Variants in RNPEPL1 observed in about 807,000 individuals in gnomAD.
The protein encoded by RNPEPL1 is arginyl aminopeptidase like 1.
RNPEPL1 carries 46 observed loss-of-function variants against 69.0 expected under a neutral mutation model. The ratio of observed to expected loss-of-function variants is 0.67; its 90% CI spans 0.53 to 0.85. RNPEPL1 has a LOEUF of 0.85. RNPEPL1 is among the 40% of genes least tolerant of loss of function. RNPEPL1 has a pLI of 0.00. For synonymous variants in RNPEPL1, 525 were observed against 454.1 expected, an observed-to-expected ratio of 1.16 and a Z score of -1.98; for missense variants, 869 against 992.5, an observed-to-expected ratio of 0.88 and a Z score of 1.67.
chr2:240,576,943 GACT>G lies in RNPEPL1; in HGVS notation c.1842_1844del (p.Tyr615del). 3 of 1,613,454 alleles carry G rather than the reference GACT, an allele frequency of 1.9e-6. No homozygotes were observed. Among genetic ancestry groups the G allele is most frequent in the South Asian group, 1.1e-5 (1 of 91,046 alleles). On this transcript the variant is annotated inframe_deletion, in exon 10 of 11. Transcript: ENST00000270357. ...CTGGCTGCAGATTGTGGTCCGCAAC[GACT>G]ACTATCCTGACCTCCACAGGGTGCG...
chr2:240,578,065 G>A lies in RNPEPL1; in HGVS notation c.*173G>A, dbSNP rs950483115. The A allele has an allele frequency of 5.1e-6, 3 of 590,544 alleles. No homozygotes were observed. Among genetic ancestry groups the A allele is most frequent in the Non-Finnish European group, 8.1e-6 (3 of 371,620 alleles). 36.6% of individuals were successfully genotyped at this position (590,544 alleles called of 1,614,324 possible). ...TGGGGAGAGGGACCTCCTTGTGTCTGGCAGAGACCTGTGGACCTGGCCTCC... is the reference window on the plus strand; with the variant it reads ...TGGGGAGAGGGACCTCCTTGTGTCTAGCAGAGACCTGTGGACCTGGCCTCC... On this transcript the variant is annotated 3_prime_UTR_variant, in exon 11 of 11. Transcript: ENST00000270357.
rs1239304635 is a variant in RNPEPL1 at position 240,576,937 on chromosome 2, C to T, written c.1831C>T (p.Arg611Cys). 1 of 1,613,500 alleles carries T rather than the reference C, an allele frequency of 6.2e-7. No individual in the cohort carries two copies. The highest frequency in any genetic ancestry group is 8.5e-7 in the Non-Finnish European group (1 of 1,179,964). Residue 611 changes from arginine to cysteine, a missense_variant, in exon 10 of 11, where the codon CGC (arginine) becomes TGC (cysteine). Around this residue, in one of 2 missense-constraint regions of RNPEPL1, gnomAD observed 610 missense variants for 790.9 expected, o/e 0.77. Transcript: ENST00000270357. Reference sequence around the variant, plus strand: ...CATCCGCTGGCTGCAGATTGTGGTCCGCAACGACTACTATCCTGACCTCCA... The same window carrying T: ...CATCCGCTGGCTGCAGATTGTGGTCTGCAACGACTACTATCCTGACCTCCA... ...IRIRWLQIVV[R>C]NDYYPDLHRV...
In RNPEPL1 at chr2:240,577,782, G is replaced by A. The variant is rs1195488986; in HGVS notation, c.2068G>A (p.Glu690Lys). The change falls in exon 11 of 11, where the codon GAG becomes AAG. Residue 690 changes from glutamate to lysine, a missense_variant. By Grantham distance (56) the Glu-to-Lys change is moderately conservative (BLOSUM62 1). This residue lies in a region of RNPEPL1 where 610 missense variants were observed against 790.9 expected (regional missense o/e 0.77). Transcript: ENST00000270357. ...STEPASEPST[E>K]LGKAEADTDS... Reference sequence around the variant, plus strand: ...AGAGCCCGCCTCAGAGCCCAGCACGGAGCTGGGCAAGGCTGAAGCAGACAC... The same window carrying A: ...AGAGCCCGCCTCAGAGCCCAGCACGAAGCTGGGCAAGGCTGAAGCAGACAC... The A allele has an allele frequency of 1.2e-6, 2 of 1,611,520 alleles. No homozygotes were observed. Among genetic ancestry groups the A allele is most frequent in the Non-Finnish European group, 8.5e-7 (1 of 1,179,096 alleles).
chr2:240,568,740 C>T lies in RNPEPL1; in HGVS notation c.154C>T (p.Pro52Ser). 9.4e-7 allele frequency: 1 copy of T among 1,062,608 alleles called. No homozygotes were observed. Among genetic ancestry groups the T allele is most frequent in the Admixed American group, 5.5e-5 (1 of 18,324 alleles). 65.8% of individuals were successfully genotyped at this position (1,062,608 alleles called of 1,614,324 possible). The change falls in exon 1 of 11, where the codon CCC becomes TCC. Residue 52 changes from proline (P) to serine (S), a missense_variant. By Grantham distance (74) the Pro-to-Ser change is moderately conservative. This residue lies in a region of RNPEPL1 where 259 missense variants were observed against 201.5 expected (regional missense o/e 1.29). Coordinates refer to ENST00000270357, the MANE Select transcript of RNPEPL1 (RefSeq NM_018226.6). This position sits in a 1 kb window ranked among gnomAD's most constrained non-coding sequence, Gnocchi z 6.2. ...RHLQLGLELR[P>S]EARELAGCLV... ...CCTGCAGCTGGGCCTGGAGCTGCGG[C>T]CCGAGGCGCGCGAGTTGGCCGGCTG...
intron 10 of RNPEPL1, 35 bp downstream of exon 10, chr2:240,577,025 G>C: frequency 6.2e-7 from 1 of 1,609,906 alleles, no homozygotes; most frequent in South Asian, 1.1e-5. Flanking sequence ...AGCCTGGAAC[G>C]GCCTAGCCGT....
At chr2:240,569,811 C>T (rs181000239) in intron 1 of RNPEPL1, among the ~76,000 whole-genome samples, 3 of 152,296 alleles carry the variant, frequency 2.0e-5, no homozygotes, top group African/African-American at 7.2e-5. Context: ...ATGTGACACC[C>T]GACATATGCA....
At chr2:240,572,607 C>T (rs2093025089) in intron 2 of RNPEPL1, 44 bp downstream of exon 2, 2 of 1,533,610 alleles carry the variant, frequency 1.3e-6, no homozygotes, top group South Asian at 2.4e-5. Context: ...CAGGACAGCC[C>T]AGTGGCCTGG....
chr2:240,573,155 T>TACATGGAGGA lies in RNPEPL1; in HGVS notation c.717_726dup (p.Glu243HisfsTer64), dbSNP rs1473789379. The TACATGGAGGA allele has an allele frequency of 6.2e-7, 1 of 1,610,026 alleles. No individual in the cohort carries two copies. The highest frequency in any genetic ancestry group is 8.5e-7 in the Non-Finnish European group (1 of 1,178,998). ...GCTGATGAGTGCCACCCGGAGTGCA[T>TACATGGAGGA]ACATGGAGGAAGAAGGCGTCTTCCA... On this transcript the variant is annotated frameshift_variant, in exon 3 of 11. Transcript: ENST00000270357. LOFTEE classifies it high-confidence loss of function.
chr2:240,574,877 G>A (rs562796217), intron 6 of RNPEPL1, 153 bp from the exon 7 acceptor site: 26 of 707,868 alleles, frequency 3.7e-5, no homozygotes, highest in African/African-American at 1.0e-4. Context: ...AGGCCCTGCC[G>A]CTGCACGCCC....
intron 1 of RNPEPL1, among the ~76,000 whole-genome samples, chr2:240,571,783 C>T (rs1164084974): frequency 6.6e-6 from 1 of 151,864 alleles, no homozygotes; most frequent in African/African-American, 2.4e-5. Context: ...CAGGCAGCGG[C>T]CCCAGCCATC....
chr2:240,577,947 G>A lies in RNPEPL1; in HGVS notation c.*55G>A. 4 of 1,411,170 alleles carry A rather than the reference G, an allele frequency of 2.8e-6. No individual in the cohort carries two copies. The highest frequency in any genetic ancestry group is 3.7e-6 in the Non-Finnish European group (4 of 1,070,594). 87.4% of individuals were successfully genotyped at this position (1,411,170 alleles called of 1,614,324 possible). On this transcript the variant is annotated 3_prime_UTR_variant, in exon 11 of 11. Coordinates refer to ENST00000270357, the MANE Select transcript of RNPEPL1 (RefSeq NM_018226.6). ...CAGACACCACAATTGTGCCTTCTGT[G>A]GGCCAGGCCTGCCATGACTGCGTCT...
In RNPEPL1 at chr2:240,577,675, T is replaced by C; in HGVS notation, c.1961T>C (p.Phe654Ser). The C allele has an allele frequency of 6.2e-7, 1 of 1,612,788 alleles. No homozygotes were observed. The highest frequency in any genetic ancestry group is 8.5e-7 in the Non-Finnish European group (1 of 1,179,662). ...CTCAAGTCCTTCGCGCTGGAGGTCT[T>C]CTACCAGACGCAGGGCCGGCTGCAC... is the stretch of plus-strand genomic sequence containing the variant. ...GALKSFALEV[F>S]YQTQGRLHPN... The change falls in exon 11 of 11, where the codon TTC (phenylalanine) becomes TCC (serine). Residue 654 changes from phenylalanine (F) to serine (S), a missense_variant. By Grantham distance (155) the Phe-to-Ser change is radical (BLOSUM62 -2). Around this residue, in one of 2 missense-constraint regions of RNPEPL1, gnomAD observed 610 missense variants for 790.9 expected, o/e 0.77. Coordinates refer to ENST00000270357, the MANE Select transcript of RNPEPL1 (RefSeq NM_018226.6).
rs2093046072 is a variant in RNPEPL1 at position 240,578,886 on chromosome 2, C to G, written c.*994C>G. On this transcript the variant is annotated 3_prime_UTR_variant, in exon 11 of 11. Transcript: ENST00000270357. ...AGCCCGAGAGCAGGCTCCCCGAATC[C>G]TGCCCAGCCCCTTGGCTGGACCCCC... is the stretch of plus-strand genomic sequence containing the variant. The G allele has an allele frequency of 6.6e-6, 1 of 152,398 alleles. No individual in the cohort carries two copies. The highest frequency in any genetic ancestry group is 6.5e-5 in the Admixed American group (1 of 15,288). 9.4% of individuals were successfully genotyped at this position (152,398 alleles called of 1,614,324 possible). A position where few individuals can be genotyped will look rare whatever the true frequency, so the allele number is the denominator to read the frequency against.
intron 1 of RNPEPL1, 131 bp from the exon 2 acceptor site, chr2:240,572,292 C>A: frequency 8.8e-7 from 1 of 1,137,486 alleles, no homozygotes; most frequent in Non-Finnish European, 1.2e-6. Context: ...TATTGGCCCT[C>A]GAACCCAGCA....
Position 240,568,524 on chromosome 2 carries a change from G to A in RNPEPL1, c.-63G>A. 1 of 766,246 alleles carries A rather than the reference G, an allele frequency of 1.3e-6. No homozygotes were observed. The highest frequency in any genetic ancestry group is 2.0e-5 in the African/African-American group (1 of 50,660). The allele number at this position is 766,246 out of a possible 1,614,324, so 47.5% of individuals were successfully genotyped here. ...CCGCGCCCCGCCGCCGCCGCCGCCC[G>A]GCGCCCCTCGCCCGCGGCCCGGCGC... On this transcript the variant is annotated 5_prime_UTR_variant, in exon 1 of 11. Transcript: ENST00000270357. The surrounding 1 kb of genome is among the most constrained non-coding windows in gnomAD (Gnocchi z 6.2).
chr2:240,570,710 TC>T (rs1457534150), intron 1 of RNPEPL1, among the ~76,000 whole-genome samples: 2 of 152,166 alleles, frequency 1.3e-5, no homozygotes, highest in African/African-American at 2.4e-5. Context: ...ACAGCGTTCT[TC>T]CTGCCCTGCA....
chr2:240,580,954 A>T lies in RNPEPL1; in HGVS notation c.*3062A>T, dbSNP rs765893476. The T allele has an allele frequency of 6.6e-6, 1 of 152,272 alleles. No homozygotes were observed. The highest frequency in any genetic ancestry group is 2.4e-5 in the African/African-American group (1 of 41,470). The allele number at this position is 152,272 out of a possible 1,614,324, so 9.4% of individuals were successfully genotyped here. On this transcript the variant is annotated 3_prime_UTR_variant, in exon 11 of 11. Coordinates refer to ENST00000270357, the MANE Select transcript of RNPEPL1 (RefSeq NM_018226.6). ...TAAGGTTTTCTAAGTCCCTCAGGCC[A>T]TGACAGGTTCAGTCCAGACTTGTCT...
intron 1 of RNPEPL1, chr2:240,569,353 T>G: frequency 4.3e-6 from 2 of 470,302 alleles, no homozygotes; most frequent in East Asian, 4.0e-5. Flanking sequence ...AGGTGTCTGG[T>G]CCCTGCCTGG....
chr2:240,576,848 AGGT>A lies in RNPEPL1; in HGVS notation c.1747_1749del (p.Val583del). 2.5e-6 allele frequency: 4 copies of A among 1,612,972 alleles called. No homozygotes were observed. Among genetic ancestry groups the A allele is most frequent in the Non-Finnish European group, 3.4e-6 (4 of 1,179,956 alleles). Reference sequence around the variant, plus strand: ...CCCTGACCTGCCCCCTGCGCTGCAGAGGTGGTGATGAGCCTGTCCAAGTGCTAC... The same window carrying A: ...CCCTGACCTGCCCCCTGCGCTGCAGAGGTGATGAGCCTGTCCAAGTGCTAC... On this transcript the variant is annotated inframe_deletion and splice_region_variant, in exon 10 of 11. Coordinates refer to ENST00000270357, the MANE Select transcript of RNPEPL1 (RefSeq NM_018226.6).
Sources: gnomAD v4.1 joint callset for allele counts (sites outside exome capture counted in the v4.1 genomes callset) on GRCh38, gnomAD v4.1.1 for gene constraint, gnomAD v4.1.1 regional missense constraint, Gnocchi (gnomAD v3.1) non-coding constraint, MANE v1.5 for transcripts, NCBI Gene and HGNC (gene_info 2026-07-23, HGNC 2026-07-21) for gene names.